FAM178B: variants seen among roughly 807,000 people sequenced by gnomAD.
FAM178B encodes the protein protein FAM178B.
FAM178B carries 82 observed loss-of-function variants against 91.7 expected under a neutral mutation model. The ratio of observed to expected loss-of-function variants is 0.89; its 90% CI spans 0.75 to 1.07. The LOEUF is 1.07. FAM178B is among the 50% of genes least tolerant of loss of function. The pLI is 0.00. For synonymous variants in FAM178B, 368 were observed against 359.4 expected, an observed-to-expected ratio of 1.02 and a Z score of -0.27; for missense variants, 769 against 846.7, an observed-to-expected ratio of 0.91 and a Z score of 1.14.
chr2:96,971,767 G>T, intron 3 of FAM178B, 134 bp downstream of exon 3: 1 of 838,566 alleles, frequency 1.2e-6, no homozygotes, highest in Non-Finnish European at 1.7e-6. Flanking sequence ...GGCTGAGCAG[G>T]GATGGTCAAG....
At chr2:96,912,523 T>C (rs2081175845) in intron 12 of FAM178B, among the ~76,000 whole-genome samples, 1 of 151,978 alleles carries the variant, frequency 6.6e-6, no homozygotes, top group Admixed American at 6.6e-5. Context: ...AAGGAAGTGC[T>C]GGTTGCTCAT....
At chr2:96,908,093 C>T (rs1308730111) in intron 12 of FAM178B, among the ~76,000 whole-genome samples, 1 of 152,238 alleles carries the variant, frequency 6.6e-6, no homozygotes, top group Non-Finnish European at 1.5e-5. Context: ...GCGCACTTGC[C>T]AGGTGGGAAG....
intron 10 of FAM178B, among the ~76,000 whole-genome samples, chr2:96,923,136 T>A (rs915622198): frequency 6.6e-6 from 1 of 150,706 alleles, no homozygotes; most frequent in African/African-American, 2.4e-5. Context: ...GCCCGGCTGA[T>A]TTTTTTTTGT....
At chr2:96,947,786 C>T (rs1020987514) in intron 8 of FAM178B, 32 bp downstream of exon 8, 122 of 1,313,182 alleles carry the variant, frequency 9.3e-5, no homozygotes, top group Non-Finnish European at 1.2e-4. Flanking sequence ...GAGCTCAGTG[C>T]GCCAATCTCC....
At position 96,986,214 on chromosome 2, in the gene FAM178B, G is replaced by C. The variant is rs182470784; in HGVS notation, c.73+27C>G. 5.2e-6 allele frequency: 8 copies of C among 1,534,216 alleles called. No homozygotes were observed. The African/African-American group carries it at 8.2e-5, about 16-fold the overall frequency. On this transcript the variant is annotated intron_variant, in intron 1 of 16. Coordinates refer to ENST00000490605, the MANE Select transcript of FAM178B (RefSeq NM_001122646.3). ...CTCTGAGCGCTAACCACGCGCCCCT[G>C]CGGTTCCTCGGCCTCAGTTTCCTTA...
intron 10 of FAM178B, among the ~76,000 whole-genome samples, chr2:96,922,863 G>A (rs928815605): frequency 8.6e-5 from 13 of 151,742 alleles, no homozygotes; most frequent in East Asian, 3.9e-4. Context: ...GTGTAGAGAC[G>A]GGGTTTTGCC....
At position 96,929,296 on chromosome 2, in the gene FAM178B, G is replaced by T; in HGVS notation, c.1103C>A (p.Pro368His). Residue 368 changes from proline (P) to histidine (H), a missense_variant, in exon 9 of 17, where the codon CCC becomes CAC. By Grantham distance (77) the Pro-to-His change is moderately conservative. Coordinates refer to ENST00000490605, the MANE Select transcript of FAM178B (RefSeq NM_001122646.3). ...QPDEDKHLWC[P>H]SLQEVREAFH... ...TGCCTCCCTGACTTCTTGCAGTGAGGGGCACCACAGGTGCTTGTCTTCATC... is the reference window on the plus strand; with the variant it reads ...TGCCTCCCTGACTTCTTGCAGTGAGTGGCACCACAGGTGCTTGTCTTCATC... 1 of 1,551,464 alleles carries T rather than the reference G, an allele frequency of 6.4e-7. No homozygotes were observed. The highest frequency in any genetic ancestry group is 8.7e-7 in the Non-Finnish European group (1 of 1,146,814).
At chr2:96,879,588 G>A (rs1372854642) in intron 14 of FAM178B, among the ~76,000 whole-genome samples, 1 of 152,244 alleles carries the variant, frequency 6.6e-6, no homozygotes, top group East Asian at 1.9e-4. Context: ...AAATCCTGAG[G>A]TCGAAGGCCA....
intron 12 of FAM178B, among the ~76,000 whole-genome samples, chr2:96,904,561 T>A (rs2080995275): frequency 6.7e-6 from 1 of 148,264 alleles, no homozygotes; most frequent in African/African-American, 2.5e-5. Flanking sequence ...TTTTTTTTTT[T>A]TTTTGTATTT....
rs375051946 is a variant in FAM178B at position 96,956,106 on chromosome 2, A to G, written c.887+4182T>C. On this transcript the variant is annotated intron_variant, in intron 6 of 16. Coordinates refer to ENST00000490605, the MANE Select transcript of FAM178B (RefSeq NM_001122646.3). Reference sequence around the variant, plus strand: ...CAAATACTGTGAGGGGCCTATGACTAACTGAGCAGGGCAGACAAACTCCAC... The same window carrying G: ...CAAATACTGTGAGGGGCCTATGACTGACTGAGCAGGGCAGACAAACTCCAC... Among the ~76,000 whole-genome samples, 27 of 152,324 alleles carry G rather than the reference A, an allele frequency of 1.8e-4. 2 individuals are homozygous for G. In the South Asian group the frequency reaches 5.4e-3, roughly 30 times the overall value.
intron 1 of FAM178B, among the ~76,000 whole-genome samples, chr2:96,984,954 A>G (rs1490511632): frequency 6.6e-6 from 1 of 152,156 alleles, no homozygotes; most frequent in East Asian, 1.9e-4. Context: ...AGGCACTGTG[A>G]CTTTCTGTGC....
At chr2:96,886,850 C>T (rs1235020319) in intron 14 of FAM178B, among the ~76,000 whole-genome samples, 1 of 152,204 alleles carries the variant, frequency 6.6e-6, no homozygotes, top group East Asian at 1.9e-4. Flanking sequence ...TCAAGCCATC[C>T]TCCCGAGTAG....
Position 96,972,330 on chromosome 2 carries a change from C to CAGGACAGAA in FAM178B, c.143-17_143-9dup, listed in dbSNP as rs2082233717. The CAGGACAGAA allele has an allele frequency of 6.8e-7, 1 of 1,467,992 alleles. No homozygotes were observed. The highest frequency in any genetic ancestry group is 1.4e-5 in the African/African-American group (1 of 70,340). The allele number at this position is 1,467,992 out of a possible 1,614,324, so 90.9% of individuals were successfully genotyped here. On this transcript the variant is annotated splice_polypyrimidine_tract_variant and intron_variant, in intron 2 of 16. Coordinates refer to ENST00000490605, the MANE Select transcript of FAM178B (RefSeq NM_001122646.3). ...TGGCGGCAGCCTGCACCCCTGCAGA[C>CAGGACAGAA]AGGACAGAATACTGTGGTCCCTCTG...
chr2:96,876,312 C>A lies in FAM178B; in HGVS notation c.2008-4G>T, dbSNP rs367617195. 1 of 1,600,572 alleles carries A rather than the reference C, an allele frequency of 6.2e-7. No individual in the cohort carries two copies. The highest frequency in any genetic ancestry group is 1.1e-5 in the South Asian group (1 of 87,906). On this transcript the variant is annotated splice_region_variant and splice_polypyrimidine_tract_variant and intron_variant, in intron 16 of 16. Coordinates refer to ENST00000490605, the MANE Select transcript of FAM178B (RefSeq NM_001122646.3). The stretch of plus-strand genomic sequence containing the variant: ...TCCAGGGGCTGAAATACTGGGCCTG[C>A]GGCGAGGAGAAAAGCAGGCTGTGAG...
chr2:96,970,769 C>T lies in FAM178B; in HGVS notation c.573G>A (p.Trp191Ter), dbSNP rs1434297394. The change falls in exon 4 of 17, where the codon TGG (tryptophan) becomes TGA (stop). Residue 191 changes from tryptophan to a stop codon, truncating the protein, a stop_gained. Coordinates refer to ENST00000490605, the MANE Select transcript of FAM178B (RefSeq NM_001122646.3). LOFTEE classifies it high-confidence loss of function. ...SQQAAAPEFS[W>*]GGSGSYFNNL... ...TGTTGAAGTAGCTTCCTGAGCCCCC[C>T]CAGGAAAACTGGAGAAACAGGACAT... 1 of 1,550,694 alleles carries T rather than the reference C, an allele frequency of 6.4e-7. No homozygotes were observed. The highest frequency in any genetic ancestry group is 2.0e-5 in the Admixed American group (1 of 50,950).
rs756888235 is a variant in FAM178B at position 96,878,421 on chromosome 2, G to C, written c.1849C>G (p.Gln617Glu). ...CTGCCCCTTGGGAGACTCACCCACT[G>C]GTCTGGAGTGATGTCCTGGCAGCTA... is the stretch of plus-strand genomic sequence containing the variant. ...VVSCQDITPD[Q>E]WGELQLLCMQ... The change falls in exon 15 of 17, where the codon CAG (glutamine) becomes GAG (glutamate). Residue 617 changes from glutamine (Q) to glutamate (E), a missense_variant. Physicochemically the swap from Gln to Glu is conservative, Grantham distance 29 (BLOSUM62 2). Transcript: ENST00000490605. The C allele has an allele frequency of 6.2e-7, 1 of 1,613,834 alleles. No homozygotes were observed. The highest frequency in any genetic ancestry group is 8.5e-7 in the Non-Finnish European group (1 of 1,179,930).
chr2:96,915,748 G>A (rs868102848), intron 12 of FAM178B, among the ~76,000 whole-genome samples: 10 of 151,686 alleles, frequency 6.6e-5, no homozygotes, highest in Non-Finnish European at 8.8e-5. Flanking sequence ...CACGGGAGGC[G>A]GAGGTTGCAG....
At chr2:96,926,619 C>T (rs188455336) in intron 9 of FAM178B, among the ~76,000 whole-genome samples, 42 of 151,194 alleles carry the variant, frequency 2.8e-4, no homozygotes, top group African/African-American at 1.0e-3. Context: ...CTTGAAATGT[C>T]CTCCTGTTTC....
At chr2:96,898,649 C>A (rs974068336) in intron 13 of FAM178B, among the ~76,000 whole-genome samples, 2 of 152,080 alleles carry the variant, frequency 1.3e-5, no homozygotes, top group Non-Finnish European at 2.9e-5. Flanking sequence ...GACCCTGCCT[C>A]AAAAATAAAA....
Sources: allele counts gnomAD v4.1 joint callset (sites outside exome capture counted in the v4.1 genomes callset), GRCh38; gene constraint gnomAD v4.1.1; transcripts MANE v1.5; gene names NCBI Gene and HGNC (gene_info 2026-07-23, HGNC 2026-07-21).